The following GLIS3 variants were observed in gnomAD, a reference collection of about 807,000 sequenced individuals.
The protein encoded by GLIS3 is GLIS family zinc finger 3.
GLIS3 carries 53 observed loss-of-function variants against 78.6 expected under a neutral mutation model. That is an observed-to-expected ratio of 0.67 (90% CI 0.54 to 0.85). The LOEUF is 0.85. Ranked by LOEUF, GLIS3 falls within the 40% of genes least tolerant of loss-of-function variation. The pLI is 0.00. For missense variants in GLIS3, 1,703 were observed against 1,231.1 expected (o/e 1.38, Z -5.74); for synonymous variants, 684 against 509.9 (o/e 1.34, Z -4.60).
chr9:4,145,876 T>C (rs1474589983), intron 2 of GLIS3, among the ~76,000 whole-genome samples: 3 of 152,104 alleles, frequency 2.0e-5, no homozygotes, highest in African/African-American at 7.2e-5. Context: ...ACAATATACT[T>C]CATTTAAGCC....
chr9:3,983,900 A>C (rs1215179115), intron 4 of GLIS3, among the ~76,000 whole-genome samples: 1 of 152,232 alleles, frequency 6.6e-6, no homozygotes, highest in East Asian at 1.9e-4. Flanking sequence ...TTCTAAGGAG[A>C]AATTCAAGCT....
At chr9:3,956,175 C>T (rs1235048867) in intron 4 of GLIS3, among the ~76,000 whole-genome samples, 1 of 151,754 alleles carries the variant, frequency 6.6e-6, no homozygotes, top group Non-Finnish European at 1.5e-5. Context: ...CTTTAGTGTA[C>T]CAGTTGAAAG....
At chr9:3,946,744 A>G (rs60932591) in intron 4 of GLIS3, among the ~76,000 whole-genome samples, 11,922 of 152,206 alleles carry the variant, frequency 0.078, 601 homozygotes, top group African/African-American at 0.13. Context: ...ATCTATTGGG[A>G]ACGTGTTAGT....
intron 8 of GLIS3, among the ~76,000 whole-genome samples, chr9:3,863,325 C>G (rs1028035404): frequency 2.0e-5 from 3 of 152,240 alleles, no homozygotes; most frequent in African/African-American, 7.2e-5. Context: ...CAGCACGTTA[C>G]TGGGGGAACT....
the GLIS3 span, among the ~76,000 whole-genome samples, chr9:4,381,664 T>C: frequency 6.6e-6 from 1 of 152,234 alleles, no homozygotes; most frequent in Non-Finnish European, 1.5e-5. Context: ...TTCATTTTAC[T>C]TGGTGCATCA....
chr9:4,448,489 T>G, the GLIS3 span, among the ~76,000 whole-genome samples: 1 of 152,244 alleles, frequency 6.6e-6, no homozygotes, highest in Non-Finnish European at 1.5e-5. Flanking sequence ...CAGTCAGGTC[T>G]TTAAGTGATC....
chr9:3,868,457 C>G (rs558332938), intron 8 of GLIS3, among the ~76,000 whole-genome samples: 1 of 152,134 alleles, frequency 6.6e-6, no homozygotes, highest in African/African-American at 2.4e-5. Context: ...AGGGACAAAA[C>G]TGTCTTTACA....
At chr9:4,236,301 T>A (rs895207198) in intron 2 of GLIS3, among the ~76,000 whole-genome samples, 1 of 151,728 alleles carries the variant, frequency 6.6e-6, no homozygotes. Flanking sequence ...TCTCATGCCC[T>A]AAACATGTTT....
At chr9:4,151,137 C>T (rs529503769) in intron 2 of GLIS3, 1 of 152,190 alleles carries the variant, frequency 6.6e-6, no homozygotes, top group East Asian at 1.9e-4. Flanking sequence ...ACAACTGTGC[C>T]TAGAGATCGA....
chr9:3,898,662 G>A (rs1211892141), intron 7 of GLIS3, 29 bp downstream of exon 7: 4 of 1,613,942 alleles, frequency 2.5e-6, no homozygotes, highest in African/African-American at 2.7e-5. Context: ...AAGGGTAGTT[G>A]TGGTTGGCTC....
intron 4 of GLIS3, among the ~76,000 whole-genome samples, chr9:4,047,608 T>G (rs1825359270): frequency 6.6e-6 from 1 of 152,174 alleles, no homozygotes; most frequent in Non-Finnish European, 1.5e-5. Flanking sequence ...GAGCTAGAGA[T>G]GCATAAGTGA....
At chr9:4,078,068 C>T (rs568564972) in intron 4 of GLIS3, among the ~76,000 whole-genome samples, 6 of 152,142 alleles carry the variant, frequency 3.9e-5, no homozygotes, top group South Asian at 2.1e-4. Flanking sequence ...TTCATTGGAC[C>T]CTGAATGATA....
intron 6 of GLIS3, among the ~76,000 whole-genome samples, chr9:3,931,417 G>C (rs1013506228): frequency 6.6e-6 from 1 of 152,032 alleles, no homozygotes; most frequent in Non-Finnish European, 1.5e-5. Context: ...CTTGCCATGG[G>C]GTTCAATCAC....
the GLIS3 span, among the ~76,000 whole-genome samples, chr9:4,368,998 T>C: frequency 2.0e-5 from 3 of 152,222 alleles, no homozygotes; most frequent in Non-Finnish European, 4.4e-5. Flanking sequence ...AATGATGTTT[T>C]CTTTTTTCCT....
At chr9:4,297,986 C>T (rs1182508924) in intron 1 of GLIS3, among the ~76,000 whole-genome samples, 2 of 152,120 alleles carry the variant, frequency 1.3e-5, no homozygotes, top group Admixed American at 1.3e-4. Flanking sequence ...GGGGTACGCG[C>T]GGCTGCGACC....
intron 4 of GLIS3, among the ~76,000 whole-genome samples, chr9:3,955,992 G>C (rs1367726585): frequency 8.4e-6 from 1 of 119,576 alleles, no homozygotes; most frequent in Non-Finnish European, 1.6e-5. Flanking sequence ...GCTCCCATAA[G>C]TATTTCCTAC....
At chr9:4,394,644 C>G in the GLIS3 span, among the ~76,000 whole-genome samples, 4 of 152,148 alleles carry the variant, frequency 2.6e-5, no homozygotes, top group Non-Finnish European at 5.9e-5. Context: ...TATCTTACCC[C>G]AAAGTCTTTC....
chr9:4,352,845 C>G (rs1817991971), upstream of GLIS3, among the ~76,000 whole-genome samples: 1 of 152,158 alleles, frequency 6.6e-6, no homozygotes, highest in African/African-American at 2.4e-5. Context: ...TTAGGTAAAC[C>G]ATGAAGAGAA....
intron 4 of GLIS3, among the ~76,000 whole-genome samples, chr9:4,103,283 C>T (rs894952400): frequency 6.6e-6 from 1 of 152,072 alleles, no homozygotes; most frequent in Admixed American, 6.6e-5. Context: ...AAGAACAGCA[C>T]AGGAGCCTTG....
Sources: gnomAD v4.1 joint callset for allele counts (sites outside exome capture counted in the v4.1 genomes callset) on GRCh38, gnomAD v4.1.1 for gene constraint, MANE v1.5 for transcripts, NCBI Gene and HGNC (gene_info 2026-07-23, HGNC 2026-07-21) for gene names.